The following NCKAP5 variants were observed in gnomAD, a reference collection of about 807,000 sequenced individuals.
NCKAP5 encodes the protein NCK associated protein 5, also known as nck-associated protein 5.
Under a neutral mutation model 167.0 loss-of-function variants are expected in NCKAP5, and 92 were observed. The ratio of observed to expected loss-of-function variants is 0.55; its 90% confidence interval spans 0.47 to 0.66. The LOEUF is 0.66. Ranked by LOEUF, NCKAP5 falls within the 30% of genes least tolerant of loss-of-function variation. The pLI is 0.00. For synonymous variants in NCKAP5, 891 were observed against 877.4 expected (o/e 1.02, Z -0.27); for missense variants, 2,378 against 2,315.0 (o/e 1.03, Z -0.56).
chr2:133,650,031 T>C, the NCKAP5 span, among the ~76,000 whole-genome samples: 1 of 152,060 alleles, frequency 6.6e-6, no homozygotes, highest in South Asian at 2.1e-4. Flanking sequence ...TTATAAGATA[T>C]AAAATCGATG....
intron 6 of NCKAP5, among the ~76,000 whole-genome samples, chr2:133,085,156 C>T (rs2149607359): frequency 6.6e-6 from 1 of 152,192 alleles, no homozygotes; most frequent in Middle Eastern, 3.4e-3. Flanking sequence ...AGGAAAATAA[C>T]ATAACAGTAT....
intron 7 of NCKAP5, among the ~76,000 whole-genome samples, chr2:132,986,073 A>T (rs1202196785): frequency 1.3e-5 from 2 of 152,200 alleles, no homozygotes; most frequent in African/African-American, 4.8e-5. Context: ...GGCTTAAAAA[A>T]AAAATAAGGA....
chr2:133,272,366 T>C lies in NCKAP5; in HGVS notation c.143+30671A>G, dbSNP rs143686141. Among the ~76,000 whole-genome samples, 612 of 152,216 alleles carry C rather than the reference T, an allele frequency of 4.0e-3. 2 individuals carry two copies. Among genetic ancestry groups the C allele is most frequent in the African/African-American group, 0.014 (577 of 41,574 alleles). On this transcript the variant is annotated intron_variant, in intron 4 of 19. Transcript: ENST00000409261. ...AGACATAAATCAATAAGCTTAGGGA[T>C]AATAAAGACTATATAACTAAGGATA... is the stretch of plus-strand genomic sequence containing the variant.
At chr2:133,023,940 C>T (rs942975686) in intron 6 of NCKAP5, among the ~76,000 whole-genome samples, 6 of 152,136 alleles carry the variant, frequency 3.9e-5, no homozygotes, top group South Asian at 2.1e-4. Flanking sequence ...AACTTATTCC[C>T]TATCAGTCCT....
At chr2:132,959,626 GGGGCCT>G (rs1330239069) in intron 8 of NCKAP5, among the ~76,000 whole-genome samples, 1 of 152,164 alleles carries the variant, frequency 6.6e-6, no homozygotes, top group Admixed American at 6.5e-5. Flanking sequence ...GAGCAAATCT[GGGGCCT>G]GAGTGGGGCA....
intron 7 of NCKAP5, among the ~76,000 whole-genome samples, chr2:132,972,468 G>A (rs1479039697): frequency 2.0e-5 from 3 of 152,168 alleles, no homozygotes. Flanking sequence ...GCTCACACCT[G>A]TAATCCCAGC....
chr2:133,593,941 G>T, the NCKAP5 span, among the ~76,000 whole-genome samples: 5 of 152,210 alleles, frequency 3.3e-5, no homozygotes, highest in Non-Finnish European at 7.3e-5. Context: ...CCTCTAGGCA[G>T]GTCCCCTCCG....
Position 132,728,805 on chromosome 2 carries a change from C to G in NCKAP5, c.5580+11G>C, listed in dbSNP as rs763716744. On this transcript the variant is annotated intron_variant, in intron 18 of 19. Transcript: ENST00000409261. Reference sequence around the variant, plus strand: ...GGTGGATTGCACCCTTCACCTCCCCCGACCCCTCACCTGGGTCCCGGTGGC... The same window carrying G: ...GGTGGATTGCACCCTTCACCTCCCCGGACCCCTCACCTGGGTCCCGGTGGC... The G allele has an allele frequency of 6.2e-7, 1 of 1,613,350 alleles. No homozygotes were observed. The highest frequency in any genetic ancestry group is 8.5e-7 in the Non-Finnish European group (1 of 1,179,748).
At chr2:133,583,726 G>C in the NCKAP5 span, among the ~76,000 whole-genome samples, 4 of 152,084 alleles carry the variant, frequency 2.6e-5, no homozygotes, top group African/African-American at 9.7e-5. Context: ...GTAAGATAAA[G>C]TCAAATGAAA....
At chr2:132,753,080 T>A (rs1680250115) in intron 16 of NCKAP5, among the ~76,000 whole-genome samples, 1 of 152,204 alleles carries the variant, frequency 6.6e-6, no homozygotes. Context: ...CACACCTTTA[T>A]GAAAACACCC....
intron 10 of NCKAP5, 111 bp downstream of exon 10, chr2:132,868,825 A>T (rs1690567393): frequency 3.0e-6 from 2 of 667,932 alleles, no homozygotes; most frequent in South Asian, 3.0e-5. Context: ...CACTAAGTGA[A>T]TAAATACAGA....
intron 4 of NCKAP5, among the ~76,000 whole-genome samples, chr2:133,214,489 C>T (rs568855349): frequency 6.6e-6 from 1 of 152,072 alleles, no homozygotes; most frequent in Non-Finnish European, 1.5e-5. Context: ...ACTTAAAAAT[C>T]AGATTATTTA....
At chr2:133,142,176 C>T (rs543401180) in intron 5 of NCKAP5, among the ~76,000 whole-genome samples, 37 of 152,184 alleles carry the variant, frequency 2.4e-4, no homozygotes, top group African/African-American at 8.9e-4. Context: ...TAAAAGACAA[C>T]CAGAGGGCCT....
intron 6 of NCKAP5, among the ~76,000 whole-genome samples, chr2:133,125,768 T>C (rs148248195): frequency 2.2e-4 from 33 of 152,364 alleles, no homozygotes; most frequent in African/African-American, 7.9e-4. Flanking sequence ...AAGTTTGTTA[T>C]GCCTGTCTGA....
chr2:132,969,689 G>A (rs2076775167), intron 7 of NCKAP5, among the ~76,000 whole-genome samples: 1 of 152,116 alleles, frequency 6.6e-6, no homozygotes, highest in Non-Finnish European at 1.5e-5. Context: ...GAAGTCGCAG[G>A]GCCACTTTGA....
chr2:132,860,534 T>C lies in NCKAP5; in HGVS notation c.765A>G (p.Leu255=). The change falls in exon 11 of 20, where the codon CTA becomes CTG. Residue 255 remains leucine (L), a synonymous_variant. Transcript: ENST00000409261. ...AAGTGGGTCTGACTCGCTGTTGGAA[T>C]AGGATGCTTAGTGTTCGATTCTGCT... ...LEQQNRTLSI[L]FQQRVRPTSD... is the part of the protein sequence containing the mutation. 6.3e-7 allele frequency: 1 copy of C among 1,587,462 alleles called. No individual in the cohort carries two copies. The highest frequency in any genetic ancestry group is 1.8e-5 in the Admixed American group (1 of 56,730).
At chr2:132,967,031 C>T (rs1405255923) in intron 7 of NCKAP5, among the ~76,000 whole-genome samples, 4 of 152,222 alleles carry the variant, frequency 2.6e-5, no homozygotes, top group Middle Eastern at 3.4e-3. Flanking sequence ...AATTTTTCAC[C>T]ATTCCATGTA....
At chr2:133,162,736 C>A in intron 5 of NCKAP5, among the ~76,000 whole-genome samples, 1 of 152,014 alleles carries the variant, frequency 6.6e-6, no homozygotes, top group African/African-American at 2.4e-5. Flanking sequence ...TACATCTCCA[C>A]AATACATAGT....
Position 132,782,855 on chromosome 2 carries a change from G to C in NCKAP5, c.3956C>G (p.Thr1319Arg). The change falls in exon 14 of 20, where the codon ACG becomes AGG. Residue 1319 changes from threonine (T) to arginine (R), a missense_variant. Transcript: ENST00000409261. ...AGGGGCCTTGTTGGGAGAGCTTTCC[G>C]TGGAAGAGTTCTGCCGGGTAAGAGA... ...GNSLTRQNSS[T>R]ESSPNKAPSA... 6.2e-7 allele frequency: 1 copy of C among 1,613,956 alleles called. No individual in the cohort carries two copies. Among genetic ancestry groups the C allele is most frequent in the Non-Finnish European group, 8.5e-7 (1 of 1,179,874 alleles).
Sources: gnomAD v4.1 joint callset for allele counts (sites outside exome capture counted in the v4.1 genomes callset) on GRCh38, gnomAD v4.1.1 for gene constraint, MANE v1.5 for transcripts, NCBI Gene and HGNC (gene_info 2026-07-23, HGNC 2026-07-21) for gene names.